Variants in ATP8A2 observed in about 807,000 individuals in gnomAD.
The protein encoded by ATP8A2 is ATPase phospholipid transporting 8A2, also known as phospholipid-transporting ATPase IB.
Under a neutral mutation model 165.6 loss-of-function variants are expected in ATP8A2, and 100 were observed. That is an observed-to-expected ratio of 0.60 (90% CI 0.51 to 0.71). The LOEUF is 0.71. ATP8A2 is among the 30% of genes least tolerant of loss of function. ATP8A2 has a pLI of 0.00. For synonymous variants in ATP8A2, 543 were observed against 548.8 expected, an observed-to-expected ratio of 0.99 and a Z score of 0.15; for missense variants, 1,227 against 1,479.5, an observed-to-expected ratio of 0.83 and a Z score of 2.80.
intron 24 of ATP8A2, among the ~76,000 whole-genome samples, chr13:25,672,371 C>T (rs2042284507): frequency 6.6e-6 from 1 of 152,090 alleles, no homozygotes; most frequent in Admixed American, 6.6e-5. Context: ...CAGCTTTTCT[C>T]CAAAGTGCTG....
At chr13:25,617,642 T>C (rs4438154) in intron 24 of ATP8A2, among the ~76,000 whole-genome samples, 75,023 of 152,012 alleles carry the variant, frequency 0.49, 20,198 homozygotes, top group Admixed American at 0.61. Context: ...TTGCTGTTTA[T>C]TGTGTTTTTT....
rs879598736 is a variant in ATP8A2, at chr13:25,399,732, TCC to T, written c.76+27445_76+27446del. On this transcript the variant is annotated intron_variant, in intron 1 of 36. Transcript: ENST00000381655. ...TTCTTCTTTTTCTTCTCCTTCCTCT[TCC>T]TCCTTCTCCTCTTCCTCCTTCTCCT... is the stretch of plus-strand genomic sequence containing the variant. Among the ~76,000 whole-genome samples, 1,462 of 149,914 alleles carry T rather than the reference TCC, an allele frequency of 9.8e-3. 13 individuals carry two copies. The highest frequency in any genetic ancestry group is 0.015 in the Non-Finnish European group (1,039 of 67,354).
chr13:25,498,002 G>T (rs1168745624), intron 2 of ATP8A2, among the ~76,000 whole-genome samples: 1 of 151,960 alleles, frequency 6.6e-6, no homozygotes, highest in East Asian at 1.9e-4. Context: ...GATTTTCATT[G>T]TCTAGTACTT....
chr13:25,638,905 C>A (rs564384909), intron 24 of ATP8A2, among the ~76,000 whole-genome samples: 2 of 152,296 alleles, frequency 1.3e-5, no homozygotes, highest in South Asian at 4.1e-4. Flanking sequence ...AACAGCGGAT[C>A]TCTTGGCAGA....
chr13:25,765,625 A>G (rs1277012571), intron 25 of ATP8A2, among the ~76,000 whole-genome samples: 2 of 152,168 alleles, frequency 1.3e-5, no homozygotes, highest in Non-Finnish European at 1.5e-5. Context: ...ATACTACCGT[A>G]TGACTTGCTT....
chr13:25,827,075 C>A (rs989446878), intron 27 of ATP8A2, among the ~76,000 whole-genome samples: 1 of 152,084 alleles, frequency 6.6e-6, no homozygotes, highest in Non-Finnish European at 1.5e-5. Flanking sequence ...CCTTTTCTGA[C>A]AGTGTTTTTT....
intron 33 of ATP8A2, among the ~76,000 whole-genome samples, chr13:25,926,236 T>C (rs1954602083): frequency 6.6e-6 from 1 of 152,204 alleles, no homozygotes; most frequent in Admixed American, 6.5e-5. Context: ...TGGTAGCTCC[T>C]GGAATGTTCC....
At chr13:25,607,004 G>A (rs1253952980) in intron 24 of ATP8A2, among the ~76,000 whole-genome samples, 2 of 152,072 alleles carry the variant, frequency 1.3e-5, no homozygotes, top group African/African-American at 2.4e-5. Context: ...AGTGGCAGGC[G>A]AGCTCCCATT....
At chr13:25,603,028 T>G (rs1223377372) in intron 24 of ATP8A2, among the ~76,000 whole-genome samples, 1 of 151,926 alleles carries the variant, frequency 6.6e-6, no homozygotes, top group Non-Finnish European at 1.5e-5. Flanking sequence ...GCCGAGATCG[T>G]GCCACTGCAC....
At chr13:25,794,374 G>A (rs528990061) in intron 27 of ATP8A2, among the ~76,000 whole-genome samples, 55 of 152,338 alleles carry the variant, frequency 3.6e-4, no homozygotes, top group African/African-American at 1.3e-3. Flanking sequence ...GTGCTTTGCT[G>A]TGCAAATGCA....
intron 8 of ATP8A2, among the ~76,000 whole-genome samples, chr13:25,541,349 C>G (rs2038470889): frequency 6.6e-6 from 1 of 151,772 alleles, no homozygotes; most frequent in Admixed American, 6.6e-5. Flanking sequence ...ATAGCAAGAC[C>G]CTATCTCTAC....
At chr13:25,989,649 A>G (rs1270767853) in intron 35 of ATP8A2, among the ~76,000 whole-genome samples, 1 of 151,978 alleles carries the variant, frequency 6.6e-6, no homozygotes, top group Non-Finnish European at 1.5e-5. Context: ...CTTTTTTTCT[A>G]GCACCTTATG....
chr13:25,613,839 G>A (rs2040753891), intron 24 of ATP8A2, among the ~76,000 whole-genome samples: 1 of 152,118 alleles, frequency 6.6e-6, no homozygotes, highest in Admixed American at 6.6e-5. Context: ...AGTGTGTTTT[G>A]TATTTCTTTA....
chr13:25,968,553 T>C (rs1373062464), intron 34 of ATP8A2, 22 bp from the exon 35 acceptor site: 1 of 1,606,252 alleles, frequency 6.2e-7, no homozygotes, highest in Non-Finnish European at 8.5e-7. Context: ...CATGTTCGTT[T>C]TGTCTTTTCC....
intron 35 of ATP8A2, among the ~76,000 whole-genome samples, chr13:25,990,261 T>TA (rs3056351): frequency 0.16 from 17,248 of 108,268 alleles, 1,914 homozygotes; most frequent in East Asian, 0.53. Flanking sequence ...CATGTAACTG[T>TA]AAAAAAAAAA....
Position 25,555,145 on chromosome 13 carries a change from A to C in ATP8A2, c.1263+77A>C. ...ATGAGTGTTAGCAGAAGAACCATGG[A>C]AAGATTTTGCAAAAATACTTCTCCA... On this transcript the variant is annotated intron_variant, in intron 13 of 36. Transcript: ENST00000381655. The C allele has an allele frequency of 8.8e-6, 10 of 1,137,084 alleles. No individual in the cohort carries two copies. In the South Asian group the frequency reaches 1.3e-4, roughly 15 times the overall value. 70.4% of individuals were successfully genotyped at this position (1,137,084 alleles called of 1,614,324 possible).
At chr13:25,946,376 C>T (rs1955210732) in intron 33 of ATP8A2, among the ~76,000 whole-genome samples, 1 of 152,188 alleles carries the variant, frequency 6.6e-6, no homozygotes, top group Non-Finnish European at 1.5e-5. Context: ...GCAAAACAAC[C>T]TTGAGCCACA....
intron 35 of ATP8A2, among the ~76,000 whole-genome samples, chr13:25,976,636 ATGT>A (rs1359652800): frequency 1.4e-4 from 21 of 152,068 alleles, no homozygotes; most frequent in Non-Finnish European, 1.5e-5. Flanking sequence ...TTGTAGTTGC[ATGT>A]TGTTGTCTTT....
chr13:25,817,651 T>G (rs1317556287), intron 27 of ATP8A2, among the ~76,000 whole-genome samples: 1 of 152,146 alleles, frequency 6.6e-6, no homozygotes, highest in Non-Finnish European at 1.5e-5. Flanking sequence ...CTCTCAAGAT[T>G]AAAATTCCAG....
Sources: allele counts gnomAD v4.1 joint callset (sites outside exome capture counted in the v4.1 genomes callset), GRCh38; gene constraint gnomAD v4.1.1; transcripts MANE v1.5; gene names NCBI Gene and HGNC (gene_info 2026-07-23, HGNC 2026-07-21).